ALG14: variants seen among roughly 807,000 people sequenced by gnomAD.
ALG14 encodes UDP-N-acetylglucosamine transferase subunit ALG14.
A neutral mutation model predicts 22.8 loss-of-function variants in ALG14; 17 were observed. The ratio of observed to expected loss-of-function variants is 0.75; its 90% CI spans 0.51 to 1.12. The LOEUF is 1.12. Among genes scored for constraint, ALG14 ranks in the 50% most tolerant of loss-of-function variants. The pLI is 0.00. For missense variants in ALG14, 288 were observed against 271.8 expected (o/e 1.06, Z -0.42); for synonymous variants, 89 against 103.7 (o/e 0.86, Z 0.86).
chr1:95,048,244 T>C (rs766137046), intron 2 of ALG14, among the ~76,000 whole-genome samples: 5 of 152,236 alleles, frequency 3.3e-5, no homozygotes, highest in Non-Finnish European at 5.9e-5. Flanking sequence ...GGCCTGAAAG[T>C]TGGCTCTGAC....
At chr1:95,036,901 G>T (rs1032689905) in intron 2 of ALG14, among the ~76,000 whole-genome samples, 1 of 152,118 alleles carries the variant, frequency 6.6e-6, no homozygotes, top group African/African-American at 2.4e-5. Flanking sequence ...TGAGATCAGG[G>T]ATCCTTAACT....
chr1:94,990,335 C>A (rs533364229), intron 3 of ALG14, among the ~76,000 whole-genome samples: 1 of 152,320 alleles, frequency 6.6e-6, no homozygotes, highest in African/African-American at 2.4e-5. Context: ...ATTTGCTTGG[C>A]TCACATGATG....
intron 3 of ALG14, among the ~76,000 whole-genome samples, chr1:95,017,021 A>T (rs113243214): frequency 2.0e-5 from 3 of 149,866 alleles, no homozygotes; most frequent in African/African-American, 7.4e-5. Flanking sequence ...TACCTTGACC[A>T]AATATGTGGT....
chr1:95,042,617 G>T (rs1571643750), intron 2 of ALG14, among the ~76,000 whole-genome samples: 1 of 152,230 alleles, frequency 6.6e-6, no homozygotes, highest in Non-Finnish European at 1.5e-5. Context: ...CCCTCTGTGG[G>T]AGGGTACATG....
rs1336356322 is a variant in ALG14, at chr1:95,011,526, C to T, written c.420+15603G>A. 4.0e-5 allele frequency among the ~76,000 whole-genome samples: 6 copies of T among 151,646 alleles called. No homozygotes were observed. In the East Asian group the frequency reaches 7.8e-4, roughly 20 times the overall value. On this transcript the variant is annotated intron_variant, in intron 3 of 3. Coordinates refer to ENST00000370205, the MANE Select transcript of ALG14 (RefSeq NM_144988.4). ...CTGCAAGCTCCACCTCCTGGGTTCA[C>T]GCCATTCTCCTGCCTCAGCCTCCTG...
chr1:95,056,022 C>A (rs201035299), intron 2 of ALG14, among the ~76,000 whole-genome samples: 81 of 134,914 alleles, frequency 6.0e-4, no homozygotes, highest in Non-Finnish European at 7.3e-4. Context: ...AAAAAAAAAA[C>A]AAAACAAAAA....
At chr1:95,016,942 G>GGTGTGTGT (rs55962309) in intron 3 of ALG14, among the ~76,000 whole-genome samples, 2,213 of 129,314 alleles carry the variant, frequency 0.017, 40 homozygotes, top group African/African-American at 0.024. Flanking sequence ...TTGCAAAAGG[G>GGTGTGTGT]GTGTGTGTGT....
At position 95,072,778 on chromosome 1, in the gene ALG14, C is replaced by G. The variant is rs1352199584; in HGVS notation, c.121G>C (p.Val41Leu). 1 of 1,614,136 alleles carries G rather than the reference C, an allele frequency of 6.2e-7. No homozygotes were observed. The highest frequency in any genetic ancestry group is 8.5e-7 in the Non-Finnish European group (1 of 1,180,024). Reference sequence around the variant, plus strand: ...CGATACTTACCGGACCCAGCCACTACCAAGATACTGAGAGACTCCCGGGGC... The same window carrying G: ...CGATACTTACCGGACCCAGCCACTAGCAAGATACTGAGAGACTCCCGGGGC... ...VTPRESLSIL[V>L]VAGSGGHTTE... Residue 41 changes from valine (V) to leucine (L), a missense_variant, in exon 1 of 4, where the codon GTA becomes CTA. Val to Leu is a conservative substitution (Grantham distance 32, BLOSUM62 1). Transcript: ENST00000370205.
At chr1:94,988,266 C>A (rs1384155680) in intron 3 of ALG14, among the ~76,000 whole-genome samples, 1 of 152,126 alleles carries the variant, frequency 6.6e-6, no homozygotes, top group Non-Finnish European at 1.5e-5. Context: ...GGCTGTAAAG[C>A]TGAACAGGAA....
At chr1:95,063,570 C>G (rs113251769) in intron 2 of ALG14, among the ~76,000 whole-genome samples, 6,802 of 152,232 alleles carry the variant, frequency 0.045, 214 homozygotes, top group Non-Finnish European at 0.069. Flanking sequence ...TCGTTTTTGT[C>G]AGGTTTGTAG....
chr1:95,054,382 T>C (rs1041185086), intron 2 of ALG14, among the ~76,000 whole-genome samples: 21 of 152,286 alleles, frequency 1.4e-4, no homozygotes, highest in African/African-American at 5.1e-4. Context: ...TCTGCCCATG[T>C]GAAGTGCTGG....
intron 3 of ALG14, among the ~76,000 whole-genome samples, chr1:94,987,513 T>C (rs534717909): frequency 6.6e-6 from 1 of 152,284 alleles, no homozygotes; most frequent in East Asian, 1.9e-4. Context: ...AGGACTGATA[T>C]AAATACAAGG....
At chr1:95,071,591 G>C (rs1675568591) in intron 1 of ALG14, among the ~76,000 whole-genome samples, 1 of 152,094 alleles carries the variant, frequency 6.6e-6, no homozygotes, top group Admixed American at 6.6e-5. Flanking sequence ...TCTGGACTCA[G>C]TTTACCTCCC....
In ALG14 at chr1:95,033,125, T is replaced by C. The variant is rs1245972667; in HGVS notation, c.289-5865A>G. Among the ~76,000 whole-genome samples the C allele has an allele frequency of 7.2e-5, 11 of 152,128 alleles. No homozygotes were observed. In the East Asian group the frequency reaches 2.1e-3, roughly 29 times the overall value. ...CGTTGTTTTTGTTAGTCTGTACCTT[T>C]GCTCTAAGGGAACTGTTCCTGACCC... is the stretch of plus-strand genomic sequence containing the variant. On this transcript the variant is annotated intron_variant, in intron 2 of 3. Coordinates refer to ENST00000370205, the MANE Select transcript of ALG14 (RefSeq NM_144988.4).
intron 3 of ALG14, among the ~76,000 whole-genome samples, chr1:95,001,884 G>C (rs1673079968): frequency 6.6e-6 from 1 of 152,172 alleles, no homozygotes; most frequent in Admixed American, 6.5e-5. Flanking sequence ...CAAATACAAG[G>C]CATAAATATA....
At chr1:95,000,257 C>T (rs915221082) in intron 3 of ALG14, among the ~76,000 whole-genome samples, 2 of 151,948 alleles carry the variant, frequency 1.3e-5, no homozygotes, top group African/African-American at 4.8e-5. Context: ...TATTTCTGGC[C>T]AGGCGCAGTG....
Position 94,977,342 on chromosome 1 carries a change from G to A in ALG14, c.*5734C>T, listed in dbSNP as rs1049343690. 6.6e-6 allele frequency: 1 copy of A among 152,144 alleles called. No homozygotes were observed. Among genetic ancestry groups the A allele is most frequent in the Admixed American group, 6.5e-5 (1 of 15,276 alleles). 9.4% of individuals were successfully genotyped at this position (152,144 alleles called of 1,614,324 possible). A position where few individuals can be genotyped will look rare whatever the true frequency, so the allele number is the denominator to read the frequency against. The stretch of plus-strand genomic sequence containing the variant: ...TTTTAAAAAAAGAAGAGATGAATTC[G>A]CTGATGTGACATTATGTAAAGCAGC... On this transcript the variant is annotated 3_prime_UTR_variant, in exon 4 of 4. Transcript: ENST00000370205.
At chr1:94,991,036 C>T (rs555110680) in intron 3 of ALG14, among the ~76,000 whole-genome samples, 1 of 152,386 alleles carries the variant, frequency 6.6e-6, no homozygotes, top group South Asian at 2.1e-4. Context: ...CATGCAGACC[C>T]TGGTTGGCTG....
At chr1:94,991,490 C>A (rs1285139169) in intron 3 of ALG14, among the ~76,000 whole-genome samples, 3 of 152,072 alleles carry the variant, frequency 2.0e-5, no homozygotes, top group Non-Finnish European at 4.4e-5. Context: ...CACATCTAAA[C>A]ATAGAGAAAG....
Sources: gnomAD v4.1 joint callset for allele counts (sites outside exome capture counted in the v4.1 genomes callset) on GRCh38, gnomAD v4.1.1 for gene constraint, MANE v1.5 for transcripts, NCBI Gene and HGNC (gene_info 2026-07-23, HGNC 2026-07-21) for gene names.